NT5E: variants seen among roughly 807,000 people sequenced by gnomAD.
NT5E encodes 5'-nucleotidase ecto.
NT5E carries 53 observed loss-of-function variants against 55.1 expected under a neutral mutation model. The observed-to-expected ratio is 0.96, with a 90% CI of 0.77 to 1.21. NT5E has a LOEUF of 1.21. Among genes scored for constraint, NT5E ranks in the 50% most tolerant of loss-of-function variants. The pLI is 0.00. For missense variants in NT5E, 683 were observed against 724.3 expected, an observed-to-expected ratio of 0.94 and a Z score of 0.65; for synonymous variants, 270 against 278.4, an observed-to-expected ratio of 0.97 and a Z score of 0.30.
At chr6:85,456,482 T>A (rs1477954994) in intron 1 of NT5E, among the ~76,000 whole-genome samples, 1 of 152,178 alleles carries the variant, frequency 6.6e-6, no homozygotes, top group African/African-American at 2.4e-5. Context: ...TTCTCACTTG[T>A]GGGATCTGAT....
chr6:85,485,699 G>A (rs1769639743), intron 4 of NT5E, among the ~76,000 whole-genome samples: 1 of 152,146 alleles, frequency 6.6e-6, no homozygotes, highest in African/African-American at 2.4e-5. Flanking sequence ...ATCCTGACAT[G>A]CCAAAGCCAC....
At chr6:85,471,838 G>A (rs1026556121) in intron 3 of NT5E, among the ~76,000 whole-genome samples, 2 of 152,070 alleles carry the variant, frequency 1.3e-5, no homozygotes, top group South Asian at 2.1e-4. Context: ...TATAACTCAA[G>A]GTGGATTTGA....
chr6:85,456,121 T>A (rs767398934), intron 1 of NT5E, among the ~76,000 whole-genome samples: 9 of 152,154 alleles, frequency 5.9e-5, no homozygotes, highest in Non-Finnish European at 1.3e-4. Flanking sequence ...AATCATGCCT[T>A]CACGATAAAC....
At chr6:85,455,393 G>T (rs576133796) in intron 1 of NT5E, among the ~76,000 whole-genome samples, 1 of 152,176 alleles carries the variant, frequency 6.6e-6, no homozygotes, top group Non-Finnish European at 1.5e-5. Context: ...GGAAAGGAGG[G>T]TGGGACTGGA....
At chr6:85,480,793 C>A (rs151073930) in intron 3 of NT5E, among the ~76,000 whole-genome samples, 89 of 152,266 alleles carry the variant, frequency 5.8e-4, no homozygotes, top group African/African-American at 1.9e-3. Flanking sequence ...AACAAACAAA[C>A]AAACTATTGA....
Position 85,487,435 on chromosome 6 carries a change from T to C in NT5E, c.1050T>C (p.Ser350=). ...GKTIVYLDGS[S]QSCRFRECNM... ...CAATTGTCTATCTGGATGGCTCCTC[T>C]CAATCATGCCGCTTTAGAGAATGCA... The change falls in exon 5 of 9, where the codon TCT becomes TCC. Residue 350 remains serine (S), a synonymous_variant. Transcript: ENST00000257770. 6.2e-7 allele frequency: 1 copy of C among 1,614,166 alleles called. No individual in the cohort carries two copies. The highest frequency in any genetic ancestry group is 8.5e-7 in the Non-Finnish European group (1 of 1,180,028).
intron 3 of NT5E, among the ~76,000 whole-genome samples, chr6:85,473,050 T>C (rs78657851): frequency 0.014 from 2,127 of 152,304 alleles, 48 homozygotes; most frequent in African/African-American, 0.049. Context: ...ATAAATGTGA[T>C]GAGGATGACG....
At chr6:85,464,231 T>C (rs1414822621) in intron 1 of NT5E, among the ~76,000 whole-genome samples, 1 of 152,136 alleles carries the variant, frequency 6.6e-6, no homozygotes, top group African/African-American at 2.4e-5. Flanking sequence ...ATTTAACTTC[T>C]CTAGATCTCA....
At chr6:85,464,166 C>G (rs891966848) in intron 1 of NT5E, among the ~76,000 whole-genome samples, 12 of 149,090 alleles carry the variant, frequency 8.0e-5, no homozygotes, top group African/African-American at 2.2e-4. Context: ...GGAATCAAAC[C>G]GAAGTGGTTC....
intron 5 of NT5E, among the ~76,000 whole-genome samples, chr6:85,487,727 G>A (rs767507465): frequency 2.0e-5 from 3 of 152,042 alleles, no homozygotes; most frequent in Non-Finnish European, 4.4e-5. Flanking sequence ...CTCCAGCCTG[G>A]GCAAAAGAGC....
chr6:85,485,388 C>T lies in NT5E; in HGVS notation c.905C>T (p.Ser302Phe). The T allele has an allele frequency of 8.1e-6, 13 of 1,614,216 alleles. No homozygotes were observed. Among genetic ancestry groups the T allele is most frequent in the Non-Finnish European group, 1.1e-5 (13 of 1,180,022 alleles). The change falls in exon 4 of 9, where the codon TCT becomes TTT. Residue 302 changes from serine (S) to phenylalanine (F), a missense_variant. Physicochemically the swap from Ser to Phe is radical, Grantham distance 155. Coordinates refer to ENST00000257770, the MANE Select transcript of NT5E (RefSeq NM_002526.4). ...IEFDERGNVI[S>F]SHGNPILLNS... ...TTTGATGAAAGAGGAAACGTCATCT[C>T]TTCCCATGGAAATCCCATTCTTCTA... is the stretch of plus-strand genomic sequence containing the variant.
intron 1 of NT5E, among the ~76,000 whole-genome samples, chr6:85,461,851 TG>T (rs1002818340): frequency 1.4e-4 from 21 of 152,064 alleles, no homozygotes; most frequent in African/African-American, 4.6e-4. Flanking sequence ...CTAGAGAGAC[TG>T]GGGGTAACTG....
chr6:85,461,131 A>G (rs1270812947), intron 1 of NT5E, among the ~76,000 whole-genome samples: 1 of 152,200 alleles, frequency 6.6e-6, no homozygotes, highest in African/African-American at 2.4e-5. Flanking sequence ...TTTGGTAAAT[A>G]TTTACTGAAT....
In NT5E at chr6:85,450,157, G is replaced by C. The variant is rs1201305832; in HGVS notation, c.18G>C (p.Ala6=). Residue 6 remains alanine, a synonymous_variant, in exon 1 of 9, where the codon GCG becomes GCC. Coordinates refer to ENST00000257770, the MANE Select transcript of NT5E (RefSeq NM_002526.4). This position sits in a 1 kb window ranked among gnomAD's most constrained non-coding sequence, Gnocchi z 4.0. The stretch of plus-strand genomic sequence containing the variant: ...CCACAGCTATGTGTCCCCGAGCCGC[G>C]CGGGCGCCCGCGACGCTACTCCTCG... MCPRA[A]RAPATLLLAL... 9 of 1,588,582 alleles carry C rather than the reference G, an allele frequency of 5.7e-6. No homozygotes were observed. Among genetic ancestry groups the C allele is most frequent in the Non-Finnish European group, 7.7e-6 (9 of 1,169,850 alleles).
chr6:85,480,875 T>G (rs1257424759), intron 3 of NT5E, among the ~76,000 whole-genome samples: 2 of 152,162 alleles, frequency 1.3e-5, no homozygotes, highest in African/African-American at 4.8e-5. Flanking sequence ...ACTAAATGTC[T>G]CTCCTATGGT....
intron 1 of NT5E, among the ~76,000 whole-genome samples, chr6:85,462,223 C>A (rs751345250): frequency 3.3e-5 from 5 of 152,120 alleles, no homozygotes; most frequent in Non-Finnish European, 7.4e-5. Flanking sequence ...CAACTCCCAT[C>A]CATTCACTGC....
At chr6:85,468,317 T>C (rs1210590282) in intron 2 of NT5E, among the ~76,000 whole-genome samples, 1 of 152,142 alleles carries the variant, frequency 6.6e-6, no homozygotes, top group Non-Finnish European at 1.5e-5. Context: ...CGGCTGGGGC[T>C]GGAGTGGTCA....
chr6:85,478,130 ACTT>A (rs1056645332), intron 3 of NT5E, among the ~76,000 whole-genome samples: 3 of 152,094 alleles, frequency 2.0e-5, no homozygotes, highest in African/African-American at 7.2e-5. Context: ...CTTTCAGTAA[ACTT>A]CTGGCCATGG....
chr6:85,450,409 T>C lies in NT5E; in HGVS notation c.270T>C (p.Thr90=), dbSNP rs1369644644. Residue 90 remains threonine, a synonymous_variant, in exon 1 of 9, where the codon ACT becomes ACC. Transcript: ENST00000257770. This position sits in a 1 kb window ranked among gnomAD's most constrained non-coding sequence, Gnocchi z 4.0. Reference sequence around the variant, plus strand: ...ACGCCGGCGACCAGTACCAGGGCACTATCTGGTTCACCGTGTACAAGGGCG... The same window carrying C: ...ACGCCGGCGACCAGTACCAGGGCACCATCTGGTTCACCGTGTACAAGGGCG... ...LLDAGDQYQG[T]IWFTVYKGAE... is the part of the protein sequence containing the mutation. 1 of 1,603,270 alleles carries C rather than the reference T, an allele frequency of 6.2e-7. No individual in the cohort carries two copies. Among genetic ancestry groups the C allele is most frequent in the African/African-American group, 1.3e-5 (1 of 74,886 alleles).
Sources: gnomAD v4.1 joint callset for allele counts (sites outside exome capture counted in the v4.1 genomes callset) on GRCh38, gnomAD v4.1.1 for gene constraint, Gnocchi (gnomAD v3.1) non-coding constraint, MANE v1.5 for transcripts, NCBI Gene and HGNC (gene_info 2026-07-23, HGNC 2026-07-21) for gene names.